EML5: variants seen among roughly 807,000 people sequenced by gnomAD.
The protein encoded by EML5 is EMAP like 5.
EML5 carries 120 observed loss-of-function variants against 250.0 expected under a neutral mutation model. The ratio of observed to expected loss-of-function variants is 0.48; its 90% CI spans 0.41 to 0.56. The LOEUF (loss-of-function observed/expected upper bound fraction) is 0.56, where lower values mean the gene tolerates loss of function less well. Among genes scored for constraint, EML5 ranks in the 20% least tolerant of loss-of-function variants. The pLI is 0.00. For synonymous variants in EML5, 771 were observed against 806.5 expected (o/e 0.96, Z 0.75); for missense variants, 2,006 against 2,437.6 (o/e 0.82, Z 3.73).
chr14:88,681,801 T>C (rs573343455), intron 21 of EML5, 89 bp downstream of exon 21: 1 of 1,378,478 alleles, frequency 7.3e-7, no homozygotes, highest in East Asian at 2.5e-5. Flanking sequence ...AAAGCCTTTT[T>C]AAAATGTGCC....
chr14:88,677,125 G>A (rs962820285), intron 21 of EML5, among the ~76,000 whole-genome samples: 8 of 151,860 alleles, frequency 5.3e-5, no homozygotes, highest in Admixed American at 2.0e-4. Flanking sequence ...GACTGGTCTC[G>A]GACTCCTGAG....
intron 16 of EML5, among the ~76,000 whole-genome samples, chr14:88,694,736 G>A (rs1204964347): frequency 6.6e-6 from 1 of 152,178 alleles, no homozygotes; most frequent in Admixed American, 6.5e-5. Flanking sequence ...TATAGCTTAA[G>A]ATAGCCTTTC....
chr14:88,740,635 C>A, intron 4 of EML5, 63 bp from the exon 5 acceptor site: 5 of 1,392,340 alleles, frequency 3.6e-6, no homozygotes, highest in South Asian at 1.6e-5. Context: ...TAAAACATTC[C>A]CAATACTTTG....
intron 27 of EML5, among the ~76,000 whole-genome samples, chr14:88,650,741 C>A (rs1312041248): frequency 6.6e-6 from 1 of 152,146 alleles, no homozygotes; most frequent in Non-Finnish European, 1.5e-5. Flanking sequence ...TGGGCTGAAG[C>A]AATCCTCCTG....
At chr14:88,744,599 C>T (rs993837151) in intron 3 of EML5, among the ~76,000 whole-genome samples, 8 of 152,018 alleles carry the variant, frequency 5.3e-5, no homozygotes, top group Middle Eastern at 3.4e-3. Flanking sequence ...TGGGGAGTCT[C>T]CAGGCTTCAT....
intron 1 of EML5, among the ~76,000 whole-genome samples, chr14:88,765,351 G>A (rs2094306852): frequency 6.6e-6 from 1 of 152,052 alleles, no homozygotes; most frequent in Non-Finnish European, 1.5e-5. Flanking sequence ...TGTGGTAAAG[G>A]GACTGAGGCT....
chr14:88,714,595 T>C (rs1469714925), intron 9 of EML5, among the ~76,000 whole-genome samples: 2 of 152,170 alleles, frequency 1.3e-5, no homozygotes, highest in African/African-American at 4.8e-5. Context: ...GGCAGATACA[T>C]CATTTAGCTT....
intron 33 of EML5, among the ~76,000 whole-genome samples, chr14:88,628,805 G>A (rs2090224532): frequency 6.6e-6 from 1 of 151,896 alleles, no homozygotes; most frequent in Admixed American, 6.6e-5. Flanking sequence ...ATTAAATCTG[G>A]CAGTTCTTCA....
chr14:88,771,135 C>T (rs2094388898), intron 1 of EML5, among the ~76,000 whole-genome samples: 1 of 152,200 alleles, frequency 6.6e-6, no homozygotes, highest in African/African-American at 2.4e-5. Flanking sequence ...TTATCTCACA[C>T]ATCTCAAATG....
At chr14:88,666,423 A>G (rs1240637242) in intron 21 of EML5, among the ~76,000 whole-genome samples, 3 of 151,982 alleles carry the variant, frequency 2.0e-5, no homozygotes, top group East Asian at 1.9e-4. Flanking sequence ...ATGGGGTTTC[A>G]CCATGTTGGT....
At chr14:88,682,728 C>A (rs558883158) in intron 20 of EML5, among the ~76,000 whole-genome samples, 4 of 152,212 alleles carry the variant, frequency 2.6e-5, no homozygotes, top group Admixed American at 1.3e-4. Flanking sequence ...TTGAGCTCAG[C>A]TGACAGGTGG....
intron 26 of EML5, among the ~76,000 whole-genome samples, 199 bp downstream of exon 26, chr14:88,657,988 G>C (rs1222508828): frequency 6.6e-6 from 1 of 152,072 alleles, no homozygotes; most frequent in Non-Finnish European, 1.5e-5. Flanking sequence ...TTCATTTGTA[G>C]ATAAATAATA....
chr14:88,706,232 A>G lies in EML5; in HGVS notation c.1825+27T>C, dbSNP rs560443655. The stretch of plus-strand genomic sequence containing the variant: ...TACTGAAGAATTATTTGACAGGGAA[A>G]CTGTTTAGCTAATGCATACTACTCA... On this transcript the variant is annotated intron_variant, in intron 11 of 43. Coordinates refer to ENST00000554922, the MANE Select transcript of EML5 (RefSeq NM_183387.3). 5.2e-6 allele frequency: 8 copies of G among 1,532,174 alleles called. No individual in the cohort carries two copies. The East Asian group carries it at 1.2e-4, about 22-fold the overall frequency. 94.9% of individuals were successfully genotyped at this position (1,532,174 alleles called of 1,614,324 possible).
rs371943483 is a variant in EML5 at position 88,736,471 on chromosome 14, A to C, written c.942T>G (p.Asn314Lys). ...EIFEIVVQER[N>K]KPFLIMQGHC... ...GCCCTTGCATAATTAGAAAAGGTTT[A>C]TTTCTTTCTTGCACCACAATTTCAA... The change falls in exon 7 of 44, where the codon AAT becomes AAG. Residue 314 changes from asparagine to lysine, a missense_variant. Coordinates refer to ENST00000554922, the MANE Select transcript of EML5 (RefSeq NM_183387.3). 263 of 1,614,006 alleles carry C rather than the reference A, an allele frequency of 1.6e-4. 2 individuals are homozygous for C. In the South Asian group the frequency reaches 2.2e-3, roughly 13 times the overall value.
At position 88,792,866 on chromosome 14, in the gene EML5, C is replaced by G. The variant is rs958385566; in HGVS notation, c.-363G>C. The stretch of plus-strand genomic sequence containing the variant: ...CGCCCGCGCACGCAGCTCCCAGCCC[C>G]GGTCACCTGCGGCGCTCGCGCCCCG... On this transcript the variant is annotated 5_prime_UTR_variant, in exon 1 of 44. Coordinates refer to ENST00000554922, the MANE Select transcript of EML5 (RefSeq NM_183387.3). The surrounding 1 kb of genome is among the most constrained non-coding windows in gnomAD (Gnocchi z 6.9). 2.4e-5 allele frequency: 10 copies of G among 414,844 alleles called. No individual in the cohort carries two copies. The highest frequency in any genetic ancestry group is 1.7e-4 in the African/African-American group (8 of 46,404). 25.7% of individuals were successfully genotyped at this position (414,844 alleles called of 1,614,324 possible).
At position 88,625,140 on chromosome 14, in the gene EML5, G is replaced by T. The variant is rs1361685382; in HGVS notation, c.4741-13C>A. The stretch of plus-strand genomic sequence containing the variant: ...ACGTCAAGTTATTCTGAAAAGGAGT[G>T]GGGGAGGGGGAGACAAACTCATCAA... On this transcript the variant is annotated splice_polypyrimidine_tract_variant and intron_variant, in intron 35 of 43. Transcript: ENST00000554922. 2 of 1,612,528 alleles carry T rather than the reference G, an allele frequency of 1.2e-6. No homozygotes were observed. The highest frequency in any genetic ancestry group is 1.7e-5 in the Admixed American group (1 of 59,776).
chr14:88,671,871 A>G (rs934427288), intron 21 of EML5, among the ~76,000 whole-genome samples: 14 of 152,224 alleles, frequency 9.2e-5, no homozygotes, highest in Non-Finnish European at 1.5e-4. Flanking sequence ...ATATACATGC[A>G]CCCAGTTCAG....
chr14:88,620,780 G>C lies in EML5; in HGVS notation c.5349C>G (p.Asp1783Glu). Residue 1783 changes from aspartate (D) to glutamate (E), a missense_variant, in exon 39 of 44, where the codon GAC becomes GAG. By Grantham distance (45) the Asp-to-Glu change is conservative (BLOSUM62 2). Transcript: ENST00000554922. The surrounding 1 kb of genome is among the most constrained non-coding windows in gnomAD (Gnocchi z 4.3). ...SSLKIWGKKR[D>E]RRCAIHDIRF... ...TGATATCATGGATTGCACATCTCCT[G>C]TCTCTCTTCTTTCCCCATATTTTTA... The C allele has an allele frequency of 1.2e-6, 2 of 1,604,314 alleles. No individual in the cohort carries two copies. Among genetic ancestry groups the C allele is most frequent in the Non-Finnish European group, 1.7e-6 (2 of 1,176,866 alleles).
Position 88,625,073 on chromosome 14 carries a change from G to T in EML5, c.4795C>A (p.His1599Asn). 1 of 1,613,864 alleles carries T rather than the reference G, an allele frequency of 6.2e-7. No homozygotes were observed. Among genetic ancestry groups the T allele is most frequent in the Non-Finnish European group, 8.5e-7 (1 of 1,179,824 alleles). ...CTCGCCACGATTCTACACAATATGTGATCTTTCCACACACAGACATCACCA... is the reference window on the plus strand; with the variant it reads ...CTCGCCACGATTCTACACAATATGTTATCTTTCCACACACAGACATCACCA... ...ISGDVCVWKD[H>N]ILCRIVARAH... The change falls in exon 36 of 44, where the codon CAC (histidine) becomes AAC (asparagine). Residue 1599 changes from histidine (H) to asparagine (N), a missense_variant. Around this residue, in one of 7 missense-constraint regions of EML5, gnomAD observed 405 missense variants for 523.3 expected, o/e 0.77. Coordinates refer to ENST00000554922, the MANE Select transcript of EML5 (RefSeq NM_183387.3).
Sources: gnomAD v4.1 joint callset for allele counts (sites outside exome capture counted in the v4.1 genomes callset) on GRCh38, gnomAD v4.1.1 for gene constraint, gnomAD v4.1.1 regional missense constraint, Gnocchi (gnomAD v3.1) non-coding constraint, MANE v1.5 for transcripts, NCBI Gene and HGNC (gene_info 2026-07-23, HGNC 2026-07-21) for gene names.